The following PCDHGB1 variants were observed in gnomAD, a reference collection of about 807,000 sequenced individuals.
The protein encoded by PCDHGB1 is protocadherin gamma-B1.
In PCDHGB1, 34 loss-of-function variants were observed where a neutral mutation model predicts 56.6. The ratio of observed to expected loss-of-function variants is 0.60; its 90% confidence interval spans 0.46 to 0.80. PCDHGB1 has a LOEUF of 0.80. PCDHGB1 is among the 30% of genes least tolerant of loss of function. PCDHGB1 has a pLI of 0.00. For missense variants in PCDHGB1, 1,278 were observed against 1,204.6 expected, an observed-to-expected ratio of 1.06 and a Z score of -0.90; for synonymous variants, 561 against 505.9, an observed-to-expected ratio of 1.11 and a Z score of -1.46.
chr5:141,432,073 C>T lies in PCDHGB1; in HGVS notation c.2410-62734C>T, dbSNP rs1276949951. On this transcript the variant is annotated intron_variant, in intron 1 of 3. Transcript: ENST00000523390. This position sits in a 1 kb window ranked among gnomAD's most constrained non-coding sequence, Gnocchi z 6.0. ...CGCCCCTATCCACGGAAACTCATAT[C>T]TCGCTGAACGTGGCAGACACCAACG... is the stretch of plus-strand genomic sequence containing the variant. 3.1e-6 allele frequency: 5 copies of T among 1,614,208 alleles called. No homozygotes were observed. Among genetic ancestry groups the T allele is most frequent in the Non-Finnish European group, 4.2e-6 (5 of 1,180,040 alleles).
intron 1 of PCDHGB1, chr5:141,405,160 C>T (rs2094616263): frequency 6.2e-7 from 1 of 1,614,028 alleles, no homozygotes; most frequent in Non-Finnish European, 8.5e-7. Flanking sequence ...CTGGTGTGCC[C>T]ACCTCACACT....
intron 1 of PCDHGB1, chr5:141,399,717 C>T (rs748626326): frequency 3.1e-6 from 5 of 1,613,320 alleles, no homozygotes; most frequent in Non-Finnish European, 4.2e-6. Context: ...CACTACAGGC[C>T]CGCGACCAGG....
At chr5:141,426,427 G>A in intron 1 of PCDHGB1, 2 of 293,710 alleles carry the variant, frequency 6.8e-6, no homozygotes, top group Non-Finnish European at 1.3e-5. Context: ...CTCCGTGGTG[G>A]GGAACCTTGC....
At chr5:141,385,401 T>C in intron 1 of PCDHGB1, 1 of 1,490,222 alleles carries the variant, frequency 6.7e-7, no homozygotes, top group Non-Finnish European at 8.9e-7. Context: ...AAACAAATGT[T>C]TTGAAAATAG....
chr5:141,490,149 T>C lies in PCDHGB1; in HGVS notation c.2410-4658T>C. The C allele has an allele frequency of 1.9e-6, 3 of 1,614,188 alleles. No individual in the cohort carries two copies. The highest frequency in any genetic ancestry group is 2.7e-5 in the African/African-American group (2 of 75,050). On this transcript the variant is annotated intron_variant, in intron 1 of 3. Coordinates refer to ENST00000523390, the MANE Select transcript of PCDHGB1 (RefSeq NM_018922.3). This position sits in a 1 kb window ranked among gnomAD's most constrained non-coding sequence, Gnocchi z 5.4. ...TAGACCCTAGCAGTGGGGCAATCCA[T>C]GTGTTGGGTCCCATAGACTTTGAGG... is the stretch of plus-strand genomic sequence containing the variant.
intron 1 of PCDHGB1, among the ~76,000 whole-genome samples, chr5:141,435,264 T>C (rs1442193276): frequency 5.3e-5 from 8 of 152,222 alleles, no homozygotes; most frequent in Non-Finnish European, 8.8e-5. Context: ...GATATGTCCA[T>C]TTATACTTTC....
At position 141,511,420 on chromosome 5, in the gene PCDHGB1, G is replaced by A; in HGVS notation, c.*247G>A. On this transcript the variant is annotated 3_prime_UTR_variant, in exon 4 of 4. Coordinates refer to ENST00000523390, the MANE Select transcript of PCDHGB1 (RefSeq NM_018922.3). ...TCCAATCAACTGCTGTACCCATGGG[G>A]GTAGTGGGGTTACTGTAGACACCAA... 2.4e-6 allele frequency: 2 copies of A among 830,862 alleles called. No individual in the cohort carries two copies. Among genetic ancestry groups the A allele is most frequent in the Non-Finnish European group, 1.8e-6 (1 of 557,336 alleles). The allele number at this position is 830,862 out of a possible 1,614,324, so 51.5% of individuals were successfully genotyped here.
chr5:141,388,356 C>T (rs756910714), intron 1 of PCDHGB1: 1 of 1,613,826 alleles, frequency 6.2e-7, no homozygotes. Flanking sequence ...AGGATCTGCC[C>T]ATGATGCGGA....
At position 141,421,474 on chromosome 5, in the gene PCDHGB1, G is replaced by C. The variant is rs1320526226; in HGVS notation, c.2409+68805G>C. 4 of 1,614,132 alleles carry C rather than the reference G, an allele frequency of 2.5e-6. No homozygotes were observed. The African/African-American group carries it at 5.3e-5, about 21-fold the overall frequency. On this transcript the variant is annotated intron_variant, in intron 1 of 3. Coordinates refer to ENST00000523390, the MANE Select transcript of PCDHGB1 (RefSeq NM_018922.3). ...GCTTTTCGCTGTGAATCCGCGAAGCGGCAGCTTGATCACGGCAGGCAGGAT... is the reference window on the plus strand; with the variant it reads ...GCTTTTCGCTGTGAATCCGCGAAGCCGCAGCTTGATCACGGCAGGCAGGAT...
At chr5:141,390,385 C>T in intron 1 of PCDHGB1, 1 of 1,430,580 alleles carries the variant, frequency 7.0e-7, no homozygotes, top group South Asian at 1.3e-5. Flanking sequence ...TTTTAGATGT[C>T]ATGGATCATT....
rs4042104 is a variant in PCDHGB1 at position 141,489,091 on chromosome 5, T to TAAG, written c.2410-5713_2410-5711dup. On this transcript the variant is annotated intron_variant, in intron 1 of 3. Transcript: ENST00000523390. This position sits in a 1 kb window ranked among gnomAD's most constrained non-coding sequence, Gnocchi z 4.5. Reference sequence around the variant, plus strand: ...CTGCCCACCCCCGCCACTCGGTGACTAAGAACTGCTGCAAGCAGGCAAACC... The same window carrying TAAG: ...CTGCCCACCCCCGCCACTCGGTGACTAAGAAGAACTGCTGCAAGCAGGCAAACC... 136,009 of 332,164 alleles carry TAAG rather than the reference T, an allele frequency of 0.41. 28,517 individuals are homozygous for TAAG. The highest frequency in any genetic ancestry group is 0.54 in the Admixed American group (11,651 of 21,676). The allele number at this position is 332,164 out of a possible 1,614,324, so 20.6% of individuals were successfully genotyped here.
intron 1 of PCDHGB1, chr5:141,414,723 C>T (rs775890033): frequency 1.9e-6 from 3 of 1,614,170 alleles, no homozygotes. Context: ...CAGACACTGG[C>T]GTCCTGTATG....
At chr5:141,370,688 G>A (rs374195397) in intron 1 of PCDHGB1, 7 of 1,613,840 alleles carry the variant, frequency 4.3e-6, no homozygotes, top group Non-Finnish European at 5.9e-6. Context: ...TTTGTGGCAA[G>A]AAGTCGACGT....
chr5:141,479,703 C>T (rs1219257838), intron 1 of PCDHGB1: 1 of 152,182 alleles, frequency 6.6e-6, no homozygotes, highest in African/African-American at 2.4e-5. Context: ...AGTGTTAGTC[C>T]CTGTCCTTCC....
intron 1 of PCDHGB1, among the ~76,000 whole-genome samples, chr5:141,462,559 T>G (rs1035231534): frequency 6.6e-6 from 1 of 152,248 alleles, no homozygotes; most frequent in African/African-American, 2.4e-5. Flanking sequence ...CAGTGTTTAC[T>G]GTATTTGCTA....
intron 1 of PCDHGB1, chr5:141,421,516 T>C (rs199973694): frequency 6.8e-6 from 11 of 1,614,064 alleles, no homozygotes; most frequent in Non-Finnish European, 9.3e-6. Context: ...GGAGGAGCTC[T>C]GTGAGACGGT....
chr5:141,418,980 A>C (rs1219866791), intron 1 of PCDHGB1: 2 of 1,614,004 alleles, frequency 1.2e-6, no homozygotes, highest in Non-Finnish European at 1.7e-6. Flanking sequence ...ACACGGGACC[A>C]AGACTCAGGG....
rs1370270183 is a variant in PCDHGB1 at position 141,351,239 on chromosome 5, T to C, written c.979T>C (p.Cys327Arg). 2.5e-6 allele frequency: 4 copies of C among 1,613,940 alleles called. No individual in the cohort carries two copies. The highest frequency in any genetic ancestry group is 3.4e-6 in the Non-Finnish European group (4 of 1,179,900). The change falls in exon 1 of 4, where the codon TGT (cysteine) becomes CGT (arginine). Residue 327 changes from cysteine to arginine, a missense_variant. Physicochemically the swap from Cys to Arg is radical, Grantham distance 180. Transcript: ENST00000523390. ...AKDGGVHTAH[C>R]NVQIEIVDEN... ...GGATGGAGGAGTACACACAGCTCAC[T>C]GTAATGTTCAAATAGAAATTGTTGA...
Position 141,361,225 on chromosome 5 carries a change from A to G in PCDHGB1, c.2409+8556A>G, listed in dbSNP as rs748119164. 2.5e-6 allele frequency: 4 copies of G among 1,614,030 alleles called. No individual in the cohort carries two copies. In the Middle Eastern group the frequency reaches 4.9e-4, roughly 200 times the overall value. ...CCTACCGGAGGATTCGCCACCAGGAACAGTGATCGCCTTGATAAAAACGAG... is the reference window on the plus strand; with the variant it reads ...CCTACCGGAGGATTCGCCACCAGGAGCAGTGATCGCCTTGATAAAAACGAG... On this transcript the variant is annotated intron_variant, in intron 1 of 3. Transcript: ENST00000523390.
Sources: allele counts gnomAD v4.1 joint callset (sites outside exome capture counted in the v4.1 genomes callset), GRCh38; gene constraint gnomAD v4.1.1; non-coding constraint Gnocchi (gnomAD v3.1); transcripts MANE v1.5; gene names NCBI Gene and HGNC (gene_info 2026-07-23, HGNC 2026-07-21).